DKK2: variants seen among roughly 807,000 people sequenced by gnomAD.
DKK2 encodes dickkopf Wnt signaling pathway inhibitor 2.
A neutral mutation model predicts 28.1 loss-of-function variants in DKK2; 11 were observed. The observed-to-expected ratio is 0.39, with a 90% CI of 0.25 to 0.65. DKK2 has a LOEUF of 0.65. Among genes scored for constraint, DKK2 ranks in the 30% least tolerant of loss-of-function variants. DKK2 has a pLI of 0.47. For synonymous variants in DKK2, 135 were observed against 126.5 expected, an observed-to-expected ratio of 1.07 and a Z score of -0.45; for missense variants, 326 against 335.5, an observed-to-expected ratio of 0.97 and a Z score of 0.22.
chr4:106,944,074 T>G (rs1429399009), intron 1 of DKK2, among the ~76,000 whole-genome samples: 1 of 152,086 alleles, frequency 6.6e-6, no homozygotes, highest in Non-Finnish European at 1.5e-5. Context: ...AAGAATATAT[T>G]TCATGACAGC....
At chr4:107,015,002 G>A (rs939887092) in intron 1 of DKK2, among the ~76,000 whole-genome samples, 6 of 151,284 alleles carry the variant, frequency 4.0e-5, no homozygotes, top group African/African-American at 4.8e-5. Flanking sequence ...GTTGTTTCTT[G>A]TCTTTTGACA....
intron 1 of DKK2, among the ~76,000 whole-genome samples, chr4:106,962,013 T>C (rs2110350684): frequency 6.6e-6 from 1 of 152,320 alleles, no homozygotes; most frequent in East Asian, 1.9e-4. Flanking sequence ...AAACTATCAT[T>C]AGTTTTCTCA....
intron 1 of DKK2, among the ~76,000 whole-genome samples, chr4:107,020,209 G>A (rs928054921): frequency 3.3e-5 from 5 of 152,074 alleles, no homozygotes; most frequent in African/African-American, 9.7e-5. Context: ...TCACTGTGAT[G>A]GCTGTGGCAG....
intron 1 of DKK2, among the ~76,000 whole-genome samples, chr4:106,981,037 A>T (rs910967567): frequency 6.6e-6 from 1 of 152,162 alleles, no homozygotes; most frequent in Non-Finnish European, 1.5e-5. Flanking sequence ...CAAATGAAAA[A>T]GTAACTGGAA....
At position 106,922,245 on chromosome 4, in the gene DKK2, T is replaced by C. The variant is rs1329672945; in HGVS notation, c.*1709A>G. 3 of 152,174 alleles carry C rather than the reference T, an allele frequency of 2.0e-5. No individual in the cohort carries two copies. The highest frequency in any genetic ancestry group is 6.6e-5 in the Admixed American group (1 of 15,242). 9.4% of individuals were successfully genotyped at this position (152,174 alleles called of 1,614,324 possible). A position where few individuals can be genotyped will look rare whatever the true frequency, so the allele number is the denominator to read the frequency against. ...GATATACAGGCTCAAACTCAATCTCTACTGGGAGAACTTAAATTTGAGACT... is the reference window on the plus strand; with the variant it reads ...GATATACAGGCTCAAACTCAATCTCCACTGGGAGAACTTAAATTTGAGACT... On this transcript the variant is annotated 3_prime_UTR_variant, in exon 4 of 4. Transcript: ENST00000285311.
intron 1 of DKK2, among the ~76,000 whole-genome samples, chr4:106,997,572 T>TA (rs1204173538): frequency 6.6e-6 from 1 of 152,100 alleles, no homozygotes; most frequent in Non-Finnish European, 1.5e-5. Flanking sequence ...GTTCAACTCT[T>TA]ATTTTCCCAT....
chr4:106,925,977 G>A, intron 1 of DKK2, 28 bp from the exon 2 acceptor site: 2 of 1,578,530 alleles, frequency 1.3e-6, no homozygotes, highest in Non-Finnish European at 8.6e-7. Flanking sequence ...AACACCAGAA[G>A]TAAAGGATTA....
rs140923487 is a variant in DKK2 at position 106,969,815 on chromosome 4, A to C, written c.223-43866T>G. Among the ~76,000 whole-genome samples, 514 of 152,190 alleles carry C rather than the reference A, an allele frequency of 3.4e-3. 2 individuals are homozygous for C. Among genetic ancestry groups the C allele is most frequent in the African/African-American group, 0.012 (501 of 41,528 alleles). On this transcript the variant is annotated intron_variant, in intron 1 of 3. Transcript: ENST00000285311. ...GAACAAAAATATCTCCAAGAGTTTA[A>C]ATAGGTCAGATATCTACCTATCACC...
intron 1 of DKK2, among the ~76,000 whole-genome samples, chr4:106,966,153 C>T (rs999842407): frequency 2.6e-5 from 4 of 152,064 alleles, no homozygotes; most frequent in Non-Finnish European, 5.9e-5. Context: ...AAAGTGGTTG[C>T]AAATTAACTT....
At position 106,982,576 on chromosome 4, in the gene DKK2, C is replaced by A. The variant is rs1723041706; in HGVS notation, c.222+52794G>T. ...GTGCATAACTAGACCAGTGAAATTC[C>A]AATTTAGGTATTTGGTAAATATGTA... is the stretch of plus-strand genomic sequence containing the variant. On this transcript the variant is annotated intron_variant, in intron 1 of 3. Transcript: ENST00000285311. Among the ~76,000 whole-genome samples the A allele has an allele frequency of 2.6e-5, 4 of 152,012 alleles. No individual in the cohort carries two copies. The South Asian group carries it at 8.3e-4, about 32-fold the overall frequency.
At chr4:107,008,400 C>T (rs1170714191) in intron 1 of DKK2, among the ~76,000 whole-genome samples, 2 of 151,834 alleles carry the variant, frequency 1.3e-5, no homozygotes, top group Non-Finnish European at 2.9e-5. Flanking sequence ...ATATGATGCG[C>T]TATTGGAACA....
chr4:107,012,254 A>T (rs943243505), intron 1 of DKK2, among the ~76,000 whole-genome samples: 7 of 151,414 alleles, frequency 4.6e-5, no homozygotes, highest in Non-Finnish European at 1.0e-4. Flanking sequence ...TTACTTTATA[A>T]GTAAGAAGGC....
intron 1 of DKK2, among the ~76,000 whole-genome samples, chr4:106,945,728 C>T (rs1724766742): frequency 6.6e-6 from 1 of 152,090 alleles, no homozygotes; most frequent in Admixed American, 6.6e-5. Context: ...CAACCATATC[C>T]AATCAAAGTC....
intron 1 of DKK2, among the ~76,000 whole-genome samples, chr4:106,972,577 A>G (rs1182808833): frequency 6.6e-6 from 1 of 152,098 alleles, no homozygotes; most frequent in Non-Finnish European, 1.5e-5. Flanking sequence ...GATTATGACA[A>G]CAATCTGCAA....
chr4:107,008,891 C>T (rs1723476894), intron 1 of DKK2, among the ~76,000 whole-genome samples: 1 of 151,922 alleles, frequency 6.6e-6, no homozygotes, highest in African/African-American at 2.4e-5. Flanking sequence ...TTTTCAAGGT[C>T]AGGCAGAAAT....
chr4:106,971,000 G>T (rs190869774), intron 1 of DKK2, among the ~76,000 whole-genome samples: 1 of 152,040 alleles, frequency 6.6e-6, no homozygotes, highest in African/African-American at 2.4e-5. Flanking sequence ...TACCAAATTA[G>T]GTTTTGCTTT....
rs557988458 is a variant in DKK2, at chr4:106,956,317, C to T, written c.223-30368G>A. The stretch of plus-strand genomic sequence containing the variant: ...GGAAGAATCAATATCATGAAAATGG[C>T]CATACTGCCCAAGGTAATTTATAGA... On this transcript the variant is annotated intron_variant, in intron 1 of 3. Coordinates refer to ENST00000285311, the MANE Select transcript of DKK2 (RefSeq NM_014421.3). Among the ~76,000 whole-genome samples, 5 of 152,172 alleles carry T rather than the reference C, an allele frequency of 3.3e-5. No individual in the cohort carries two copies. In the South Asian group the frequency reaches 1.0e-3, roughly 32 times the overall value.
intron 1 of DKK2, among the ~76,000 whole-genome samples, chr4:107,014,894 T>C (rs1461099625): frequency 6.6e-6 from 1 of 151,484 alleles, no homozygotes; most frequent in Non-Finnish European, 1.5e-5. Flanking sequence ...TTCATGTTTA[T>C]TCCTAACTGT....
At position 107,035,689 on chromosome 4, in the gene DKK2, G is replaced by C. The variant is rs1295253974; in HGVS notation, c.-98C>G. ...ACACGGGGCCCCTCACTTGGGTCGC[G>C]GGGGCTTGCAGATTGTGTTCCCTCA... On this transcript the variant is annotated 5_prime_UTR_variant, in exon 1 of 4. Coordinates refer to ENST00000285311, the MANE Select transcript of DKK2 (RefSeq NM_014421.3). The C allele has an allele frequency of 3.9e-6, 5 of 1,288,280 alleles. No homozygotes were observed. Among genetic ancestry groups the C allele is most frequent in the African/African-American group, 1.5e-5 (1 of 68,554 alleles). The allele number at this position is 1,288,280 out of a possible 1,614,324, so 79.8% of individuals were successfully genotyped here. A position where few individuals can be genotyped will look rare whatever the true frequency, so the allele number is the denominator to read the frequency against.
Sources: gnomAD v4.1 joint callset for allele counts (sites outside exome capture counted in the v4.1 genomes callset) on GRCh38, gnomAD v4.1.1 for gene constraint, MANE v1.5 for transcripts, NCBI Gene and HGNC (gene_info 2026-07-23, HGNC 2026-07-21) for gene names.